The following PKHD1L1 variants were observed in gnomAD, a reference collection of about 807,000 sequenced individuals.
PKHD1L1 encodes fibrocystin-L.
A neutral mutation model predicts 462.9 loss-of-function variants in PKHD1L1; 434 were observed. That is an observed-to-expected ratio of 0.94 (90% CI 0.87 to 1.02). The LOEUF (loss-of-function observed/expected upper bound fraction) is 1.02. Ranked by LOEUF, PKHD1L1 falls within the 50% of genes least tolerant of loss-of-function variation. The pLI is 0.00. For missense variants in PKHD1L1, 5,202 were observed against 5,096.1 expected, an observed-to-expected ratio of 1.02 and a Z score of -0.63; for synonymous variants, 1,781 against 1,750.0, an observed-to-expected ratio of 1.02 and a Z score of -0.44.
chr8:109,448,012 A>T, intron 38 of PKHD1L1, 131 bp from the exon 39 acceptor site: 1 of 756,008 alleles, frequency 1.3e-6, no homozygotes, highest in South Asian at 2.0e-5. Flanking sequence ...CATAGCATGT[A>T]TTGTTAATAT....
chr8:109,421,774 ACT>A (rs948038188), intron 23 of PKHD1L1, among the ~76,000 whole-genome samples: 3 of 151,328 alleles, frequency 2.0e-5, no homozygotes, highest in African/African-American at 7.2e-5. Flanking sequence ...ACAGAGCGAG[ACT>A]CTGTCTCAAA....
intron 71 of PKHD1L1, among the ~76,000 whole-genome samples, chr8:109,512,885 G>C (rs1820068112): frequency 6.6e-6 from 1 of 151,478 alleles, no homozygotes; most frequent in Non-Finnish European, 1.5e-5. Context: ...GCAGTGGTTT[G>C]TAGTTCTCCT....
Position 109,504,387 on chromosome 8 carries a change from C to T in PKHD1L1, c.10889C>T (p.Thr3630Ile), listed in dbSNP as rs535097989. ...CSGETNVIFI[T>I]NPLNEDLQHP... ...GGGGAAACTAATGTTATATTCATTA[C>T]TAACCCTTTAAATGAGGATTTACAG... The change falls in exon 68 of 78, where the codon ACT becomes ATT. Residue 3630 changes from threonine to isoleucine, a missense_variant. Transcript: ENST00000378402. The T allele has an allele frequency of 6.5e-7, 1 of 1,548,984 alleles. No homozygotes were observed. The highest frequency in any genetic ancestry group is 8.8e-7 in the Non-Finnish European group (1 of 1,134,490).
rs781235287 is a variant in PKHD1L1, at chr8:109,451,095, A to AAG, written c.6296_6297insAG (p.Arg2100GlyfsTer11). 6.2e-7 allele frequency: 1 copy of AAG among 1,613,518 alleles called. No homozygotes were observed. The highest frequency in any genetic ancestry group is 1.3e-5 in the African/African-American group (1 of 74,914). On this transcript the variant is annotated frameshift_variant, in exon 41 of 78. Coordinates refer to ENST00000378402, the MANE Select transcript of PKHD1L1 (RefSeq NM_177531.6). LOFTEE classifies it high-confidence loss of function. Reference sequence around the variant, plus strand: ...CCACTCATCACTGCAGTATCTCCTAAGAGAGGCAGTACAGCAGGGGGCACC... The same window carrying AAG: ...CCACTCATCACTGCAGTATCTCCTAAAGGAGAGGCAGTACAGCAGGGGGCACC...
Position 109,491,854 on chromosome 8 carries a change from T to G in PKHD1L1, c.10115-19T>G. The G allele has an allele frequency of 6.5e-7, 1 of 1,535,966 alleles. No individual in the cohort carries two copies. Reference sequence around the variant, plus strand: ...ATGTTTTTTGGGGATTTTCTTTCTTTTTTTCTTTTTTTAAACAGGCATAAG... The same window carrying G: ...ATGTTTTTTGGGGATTTTCTTTCTTGTTTTCTTTTTTTAAACAGGCATAAG... On this transcript the variant is annotated intron_variant, in intron 61 of 77. Coordinates refer to ENST00000378402, the MANE Select transcript of PKHD1L1 (RefSeq NM_177531.6).
chr8:109,526,313 G>A (rs955082060), intron 76 of PKHD1L1, among the ~76,000 whole-genome samples: 2 of 152,168 alleles, frequency 1.3e-5, no homozygotes, highest in African/African-American at 4.8e-5. Flanking sequence ...GTTGTTTGCT[G>A]TATTATTCTT....
chr8:109,517,279 C>T, intron 72 of PKHD1L1, among the ~76,000 whole-genome samples: 1 of 152,090 alleles, frequency 6.6e-6, no homozygotes, highest in Non-Finnish European at 1.5e-5. Flanking sequence ...TGTTATGAAC[C>T]TATACATATT....
intron 48 of PKHD1L1, among the ~76,000 whole-genome samples, chr8:109,462,777 T>A (rs1276552778): frequency 1.3e-5 from 2 of 152,110 alleles, no homozygotes. Flanking sequence ...CCTGACCTTG[T>A]GATCCACATG....
chr8:109,369,748 A>G (rs944810469), intron 2 of PKHD1L1, among the ~76,000 whole-genome samples: 9 of 152,196 alleles, frequency 5.9e-5, no homozygotes, highest in African/African-American at 2.2e-4. Context: ...CACCAAAGAT[A>G]AGCAAAGTTG....
rs72687015 is a variant in PKHD1L1 at position 109,444,782 on chromosome 8, A to G, written c.4913A>G (p.Tyr1638Cys). Residue 1638 changes from tyrosine (Y) to cysteine (C), a missense_variant, in exon 38 of 78, where the codon TAC becomes TGC. By Grantham distance (194) the Tyr-to-Cys change is radical. This residue lies in a region of PKHD1L1 where 4,497 missense variants were observed against 4,336.8 expected (regional missense o/e 1.04). Transcript: ENST00000378402. ...GIRETVTLTV[Y>C]NLGTAINTLS... ...AGGGAAACTGTCACTTTGACTGTCT[A>G]CAACCTGGGCACTGCTATCAATACG... 329,683 of 1,613,810 alleles carry G rather than the reference A, an allele frequency of 0.2. 35,480 individuals are homozygous for G. Among genetic ancestry groups the G allele is most frequent in the South Asian group, 0.29 (26,281 of 91,080 alleles).
intron 34 of PKHD1L1, 93 bp downstream of exon 34, chr8:109,441,472 G>A (rs1486168923): frequency 1.3e-6 from 1 of 792,052 alleles, no homozygotes; most frequent in Non-Finnish European, 2.0e-6. Flanking sequence ...ATTATTGAGA[G>A]ACTAAGTATT....
chr8:109,405,704 G>A (rs774646056), intron 16 of PKHD1L1, among the ~76,000 whole-genome samples: 67 of 151,930 alleles, frequency 4.4e-4, no homozygotes, highest in Admixed American at 1.8e-3. Context: ...GGGTCGGCAC[G>A]GGGAGGGCAT....
intron 77 of PKHD1L1, among the ~76,000 whole-genome samples, chr8:109,528,362 A>G (rs1820919375): frequency 6.6e-6 from 1 of 152,328 alleles, no homozygotes; most frequent in South Asian, 2.1e-4. Context: ...TATTGCTGTC[A>G]GATTTAAGGT....
intron 29 of PKHD1L1, 99 bp from the exon 30 acceptor site, chr8:109,436,239 A>C: frequency 2.4e-6 from 3 of 1,242,764 alleles, no homozygotes; most frequent in Non-Finnish European, 3.3e-6. Context: ...GGATCATTAG[A>C]CTATTCTCAA....
chr8:109,401,238 A>G (rs986104754), intron 13 of PKHD1L1, among the ~76,000 whole-genome samples: 1 of 152,112 alleles, frequency 6.6e-6, no homozygotes, highest in Non-Finnish European at 1.5e-5. Context: ...ATTATGGAAA[A>G]GCTATGATCT....
chr8:109,370,975 G>A (rs184392435), intron 2 of PKHD1L1, among the ~76,000 whole-genome samples: 1,580 of 152,306 alleles, frequency 0.01, 23 homozygotes, highest in African/African-American at 0.036. Flanking sequence ...ACATACGTGT[G>A]CATGTGTCTT....
chr8:109,401,191 C>G (rs1387727730), intron 13 of PKHD1L1, among the ~76,000 whole-genome samples: 1 of 151,968 alleles, frequency 6.6e-6, no homozygotes, highest in Non-Finnish European at 1.5e-5. Flanking sequence ...CTACCTTTTT[C>G]CTGGTAAGTA....
Position 109,441,269 on chromosome 8 carries a change from T to C in PKHD1L1, c.4100-6T>C, listed in dbSNP as rs1286849808. ...TTTAAAAATATGCAGTATTTATTCTTTCTAGGGTCCATCCCTTGCAATGTT... is the reference window on the plus strand; with the variant it reads ...TTTAAAAATATGCAGTATTTATTCTCTCTAGGGTCCATCCCTTGCAATGTT... On this transcript the variant is annotated splice_polypyrimidine_tract_variant and splice_region_variant and intron_variant, in intron 33 of 77. Coordinates refer to ENST00000378402, the MANE Select transcript of PKHD1L1 (RefSeq NM_177531.6). 2.0e-6 allele frequency: 3 copies of C among 1,533,110 alleles called. No homozygotes were observed. The highest frequency in any genetic ancestry group is 1.7e-4 in the Middle Eastern group (1 of 5,794). The allele number at this position is 1,533,110 out of a possible 1,614,324, so 95.0% of individuals were successfully genotyped here.
chr8:109,407,948 C>A, intron 17 of PKHD1L1, 101 bp from the exon 18 acceptor site: 1 of 761,082 alleles, frequency 1.3e-6, no homozygotes, highest in Non-Finnish European at 1.7e-6. Flanking sequence ...ACCAATTTGG[C>A]TACATTTGAG....
Sources: allele counts gnomAD v4.1 joint callset (sites outside exome capture counted in the v4.1 genomes callset), GRCh38; gene constraint gnomAD v4.1.1; regional missense constraint gnomAD v4.1.1; transcripts MANE v1.5; gene names NCBI Gene and HGNC (gene_info 2026-07-23, HGNC 2026-07-21).